The following STAM variants were observed in gnomAD, a reference collection of about 807,000 sequenced individuals.
The protein encoded by STAM is signal transducing adaptor molecule.
STAM carries 16 observed loss-of-function variants against 63.4 expected under a neutral mutation model. The observed-to-expected ratio is 0.25, with a 90% CI of 0.17 to 0.38. The LOEUF (loss-of-function observed/expected upper bound fraction) is 0.38, where lower values mean the gene tolerates loss of function less well. Among genes scored for constraint, STAM ranks in the 10% least tolerant of loss-of-function variants. STAM has a pLI of 1.00. For synonymous variants in STAM, 238 were observed against 223.9 expected (o/e 1.06, Z -0.56); for missense variants, 636 against 657.1 (o/e 0.97, Z 0.35).
intron 12 of STAM, among the ~76,000 whole-genome samples, chr10:17,707,437 A>T (rs1261021267): frequency 4.0e-5 from 6 of 151,890 alleles, no homozygotes; most frequent in African/African-American, 1.5e-4. Context: ...ATAATAATAA[A>T]TAAAAACAAA....
At chr10:17,700,795 A>G (rs1835961182) in intron 9 of STAM, among the ~76,000 whole-genome samples, 1 of 152,200 alleles carries the variant, frequency 6.6e-6, no homozygotes, top group Admixed American at 6.5e-5. Flanking sequence ...TTGTTTGCAC[A>G]TGACTGAGGA....
At chr10:17,693,899 C>A (rs1164896571) in intron 6 of STAM, among the ~76,000 whole-genome samples, 1 of 152,120 alleles carries the variant, frequency 6.6e-6, no homozygotes, top group African/African-American at 2.4e-5. Context: ...GTTATGATTT[C>A]CTTTTCCATT....
At chr10:17,647,995 T>C (rs1833583428) in intron 1 of STAM, among the ~76,000 whole-genome samples, 1 of 150,852 alleles carries the variant, frequency 6.6e-6, no homozygotes, top group Middle Eastern at 3.2e-3. Flanking sequence ...CATTCCTTCA[T>C]CCTTGCCCTT....
chr10:17,694,318 C>T (rs904583674), intron 6 of STAM, among the ~76,000 whole-genome samples: 3 of 152,068 alleles, frequency 2.0e-5, no homozygotes, highest in Non-Finnish European at 2.9e-5. Context: ...ATATTGTTCC[C>T]TACCTCAAGG....
chr10:17,644,279 G>A lies in STAM; in HGVS notation c.-61G>A. 6.3e-7 allele frequency: 1 copy of A among 1,593,312 alleles called. No individual in the cohort carries two copies. Among genetic ancestry groups the A allele is most frequent in the Non-Finnish European group, 8.6e-7 (1 of 1,161,620 alleles). On this transcript the variant is annotated 5_prime_UTR_variant, in exon 1 of 14. Coordinates refer to ENST00000377524, the MANE Select transcript of STAM (RefSeq NM_003473.4). ...CCTGAGGAGTCTTCCATCCTACGTC[G>A]AGCTCTGACTCCCGTGCTGTCGAGA...
At chr10:17,701,136 G>A (rs1835977293) in intron 9 of STAM, among the ~76,000 whole-genome samples, 1 of 151,988 alleles carries the variant, frequency 6.6e-6, no homozygotes, top group South Asian at 2.1e-4. Flanking sequence ...GGTATTATTG[G>A]GATTTAAATT....
At chr10:17,665,649 G>C (rs2131591861) in intron 2 of STAM, among the ~76,000 whole-genome samples, 1 of 151,920 alleles carries the variant, frequency 6.6e-6, no homozygotes, top group South Asian at 2.1e-4. Flanking sequence ...ATTTTGGTTA[G>C]TGGCATGTAG....
chr10:17,684,072 A>G (rs925732858), intron 2 of STAM, among the ~76,000 whole-genome samples: 1 of 152,264 alleles, frequency 6.6e-6, no homozygotes, highest in East Asian at 1.9e-4. Context: ...ATCTCTGACG[A>G]CTGTGTGAGC....
chr10:17,700,039 C>G, intron 8 of STAM, 152 bp from the exon 9 acceptor site: 1 of 525,246 alleles, frequency 1.9e-6, no homozygotes. Flanking sequence ...TTATTACTGC[C>G]AAAATCTGCA....
chr10:17,714,495 C>T (rs1360860099), intron 13 of STAM, 48 bp from the exon 14 acceptor site: 2 of 1,523,834 alleles, frequency 1.3e-6, no homozygotes, highest in African/African-American at 2.7e-5. Flanking sequence ...TCTGTAGTTG[C>T]TCTATAAATC....
chr10:17,687,703 T>C (rs1424770687), intron 4 of STAM, among the ~76,000 whole-genome samples: 1 of 152,224 alleles, frequency 6.6e-6, no homozygotes, highest in African/African-American at 2.4e-5. Flanking sequence ...TCCCACTTTT[T>C]TATTGCTTTG....
At chr10:17,671,010 C>T (rs1436716234) in intron 2 of STAM, among the ~76,000 whole-genome samples, 2 of 152,146 alleles carry the variant, frequency 1.3e-5, no homozygotes, top group Non-Finnish European at 2.9e-5. Flanking sequence ...TGCCTTCATG[C>T]TTATGAAAGG....
In STAM at chr10:17,688,152, G is replaced by C; in HGVS notation, c.423G>C (p.Thr141=). The C allele has an allele frequency of 7.6e-6, 12 of 1,572,534 alleles. No individual in the cohort carries two copies. The highest frequency in any genetic ancestry group is 9.5e-6 in the Non-Finnish European group (11 of 1,160,024). Residue 141 remains threonine (T), a synonymous_variant, in exon 5 of 14, where the codon ACG becomes ACC. Coordinates refer to ENST00000377524, the MANE Select transcript of STAM (RefSeq NM_003473.4). ...MIKNLKEQGV[T]FPAIGSQAAE... is the part of the protein sequence containing the mutation. ...AGAACCTTAAGGAACAAGGAGTTAC[G>C]TTCCCAGCTATTGGCTCTCAGGTAT...
intron 4 of STAM, 73 bp downstream of exon 4, chr10:17,685,000 A>C: frequency 8.1e-7 from 1 of 1,231,770 alleles, no homozygotes; most frequent in Non-Finnish European, 1.2e-6. Flanking sequence ...TTAAATCTTC[A>C]CAGAGGACTA....
intron 1 of STAM, among the ~76,000 whole-genome samples, chr10:17,656,291 CT>C (rs1450746738): frequency 3.2e-4 from 37 of 114,024 alleles, no homozygotes; most frequent in African/African-American, 7.8e-4. Context: ...GAGACTCCGT[CT>C]TAAAAAAAAA....
intron 1 of STAM, among the ~76,000 whole-genome samples, chr10:17,650,519 G>C (rs1272623608): frequency 3.9e-5 from 6 of 152,136 alleles, no homozygotes; most frequent in Non-Finnish European, 7.4e-5. Flanking sequence ...GTGAACTTGG[G>C]AGTAATTCTT....
In STAM at chr10:17,667,401, C is replaced by A. The variant is rs541969917; in HGVS notation, c.125+6853C>A. 6.6e-5 allele frequency among the ~76,000 whole-genome samples: 10 copies of A among 152,272 alleles called. No individual in the cohort carries two copies. In the East Asian group the frequency reaches 1.9e-3, roughly 29 times the overall value. Reference sequence around the variant, plus strand: ...CCTCCCAAAGTGCTGGTATTACAGGCGTGAGCCACCGCATCCAGCCCATAG... The same window carrying A: ...CCTCCCAAAGTGCTGGTATTACAGGAGTGAGCCACCGCATCCAGCCCATAG... On this transcript the variant is annotated intron_variant, in intron 2 of 13. Transcript: ENST00000377524.
intron 5 of STAM, among the ~76,000 whole-genome samples, chr10:17,688,588 G>T (rs1193515525): frequency 6.6e-6 from 1 of 151,684 alleles, no homozygotes; most frequent in African/African-American, 2.4e-5. Flanking sequence ...GCAGCCTCCT[G>T]AGTAGCTGGG....
intron 2 of STAM, among the ~76,000 whole-genome samples, chr10:17,669,362 T>G (rs1457542102): frequency 6.6e-6 from 1 of 151,734 alleles, no homozygotes; most frequent in African/African-American, 2.4e-5. Context: ...AGGTTTTTTT[T>G]TTTTTTTCCG....
Sources: allele counts gnomAD v4.1 joint callset (sites outside exome capture counted in the v4.1 genomes callset), GRCh38; gene constraint gnomAD v4.1.1; transcripts MANE v1.5; gene names NCBI Gene and HGNC (gene_info 2026-07-23, HGNC 2026-07-21).